MYOF: variants seen among roughly 807,000 people sequenced by gnomAD.
MYOF encodes the protein fer-1-like 3, myoferlin.
In MYOF, 244 loss-of-function variants were observed where a neutral mutation model predicts 284.2. The observed-to-expected ratio is 0.86, with a 90% confidence interval of 0.77 to 0.95. The LOEUF (loss-of-function observed/expected upper bound fraction) is 0.95, where lower values mean the gene tolerates loss of function less well. Ranked by LOEUF, MYOF falls within the 40% of genes least tolerant of loss-of-function variation. The probability of loss-of-function intolerance (pLI) is 0.00; values close to 1 mark genes in which losing one functional copy is unlikely to be tolerated. For synonymous variants in MYOF, 904 were observed against 919.7 expected (o/e 0.98, Z 0.31); for missense variants, 2,496 against 2,560.6 (o/e 0.97, Z 0.54).
At chr10:93,433,323 C>T (rs1469399506) in intron 3 of MYOF, among the ~76,000 whole-genome samples, 1 of 152,098 alleles carries the variant, frequency 6.6e-6, no homozygotes, top group Non-Finnish European at 1.5e-5. Context: ...AAGCCCAGCT[C>T]ATTTTGTATT....
chr10:93,436,874 T>G (rs1277158372), intron 3 of MYOF, among the ~76,000 whole-genome samples: 1 of 152,182 alleles, frequency 6.6e-6, no homozygotes, highest in East Asian at 1.9e-4. Context: ...AATATTATAG[T>G]GTGACAGTGA....
At chr10:93,425,759 T>C (rs1264108875) in intron 5 of MYOF, 3 of 383,090 alleles carry the variant, frequency 7.8e-6, no homozygotes, top group Admixed American at 7.8e-5. Context: ...GGAGACACTG[T>C]ATGGGGTGGA....
intron 4 of MYOF, among the ~76,000 whole-genome samples, chr10:93,429,901 C>T (rs2134211182): frequency 6.6e-6 from 1 of 151,496 alleles, no homozygotes; most frequent in Middle Eastern, 3.4e-3. Context: ...GAATTCTGGT[C>T]TTGCATCAGA....
intron 1 of MYOF, among the ~76,000 whole-genome samples, chr10:93,471,794 C>T (rs945520384): frequency 1.3e-5 from 2 of 151,566 alleles, no homozygotes; most frequent in Non-Finnish European, 2.9e-5. Context: ...GAGGCTGAGG[C>T]AGGAGAATTG....
At chr10:93,481,650 C>T (rs138697616) in intron 1 of MYOF, among the ~76,000 whole-genome samples, 3,027 of 152,292 alleles carry the variant, frequency 0.02, 57 homozygotes, top group Middle Eastern at 0.031. Context: ...CTTCACCCAT[C>T]CCACCTCCCA....
intron 3 of MYOF, among the ~76,000 whole-genome samples, chr10:93,449,649 T>C (rs558084777): frequency 3.9e-4 from 60 of 152,246 alleles, no homozygotes; most frequent in African/African-American, 1.4e-3. Flanking sequence ...TGCTAGAATG[T>C]ATGCAGGTAT....
chr10:93,422,087 A>T (rs1848380112), intron 5 of MYOF, among the ~76,000 whole-genome samples: 2 of 152,212 alleles, frequency 1.3e-5, no homozygotes, highest in African/African-American at 4.8e-5. Flanking sequence ...ATTTTTTGTA[A>T]TAAAGAAATT....
chr10:93,366,436 T>C lies in MYOF; in HGVS notation c.2709A>G (p.Lys903=). ...TCCACTCTCCTTCCCATTCCCAGCCTTTTGGAGGCAGAAAAAATTCCCTCT... is the reference window on the plus strand; with the variant it reads ...TCCACTCTCCTTCCCATTCCCAGCCCTTTGGAGGCAGAAAAAATTCCCTCT... ...KLKREFFLPP[K]GWEWEGEWIV... The change falls in exon 26 of 54, where the codon AAA becomes AAG. Residue 903 remains lysine, a synonymous_variant. Coordinates refer to ENST00000359263, the MANE Select transcript of MYOF (RefSeq NM_013451.4). 6.2e-7 allele frequency: 1 copy of C among 1,614,052 alleles called. No individual in the cohort carries two copies.
At chr10:93,413,387 G>A (rs906027619) in intron 5 of MYOF, among the ~76,000 whole-genome samples, 6 of 152,296 alleles carry the variant, frequency 3.9e-5, no homozygotes, top group Admixed American at 1.3e-4. Context: ...ACAATGGTAC[G>A]GGCTCCACAA....
chr10:93,332,232 T>TA (rs1160188773), intron 43 of MYOF, among the ~76,000 whole-genome samples: 3 of 151,414 alleles, frequency 2.0e-5, no homozygotes, highest in Admixed American at 6.6e-5. Context: ...TTTTATTTTT[T>TA]TTTTTTGGGA....
Position 93,404,231 on chromosome 10 carries a change from A to G in MYOF, c.730-12T>C. The G allele has an allele frequency of 6.2e-7, 1 of 1,613,534 alleles. No individual in the cohort carries two copies. Among genetic ancestry groups the G allele is most frequent in the Non-Finnish European group, 8.5e-7 (1 of 1,179,604 alleles). ...TTGTAGAAAAACAACTGCCAAAACA[A>G]TAGAGCAGATGTTTAAATGTTAACA... On this transcript the variant is annotated splice_polypyrimidine_tract_variant and intron_variant, in intron 7 of 53. Coordinates refer to ENST00000359263, the MANE Select transcript of MYOF (RefSeq NM_013451.4).
intron 39 of MYOF, 29 bp downstream of exon 39, chr10:93,340,124 A>G: frequency 1.2e-6 from 2 of 1,612,580 alleles, no homozygotes; most frequent in Non-Finnish European, 1.7e-6. Flanking sequence ...CATGAATCTT[A>G]AATGTAGCAA....
intron 4 of MYOF, among the ~76,000 whole-genome samples, chr10:93,426,421 T>G (rs1447889592): frequency 6.6e-6 from 1 of 151,924 alleles, no homozygotes; most frequent in African/African-American, 2.4e-5. Flanking sequence ...ATCAACAGAG[T>G]AAAGTTGTGA....
chr10:93,394,175 C>T (rs138826909), intron 16 of MYOF, among the ~76,000 whole-genome samples: 30 of 152,238 alleles, frequency 2.0e-4, no homozygotes, highest in African/African-American at 6.3e-4. Flanking sequence ...AATCTCGGCT[C>T]ACTGCAACCT....
At chr10:93,456,797 G>T in intron 2 of MYOF, 85 bp downstream of exon 2, 2 of 981,400 alleles carry the variant, frequency 2.0e-6, no homozygotes. Context: ...TCCTTCCGAA[G>T]GGAAGAGGTA....
At chr10:93,404,679 G>A (rs558500890) in intron 7 of MYOF, among the ~76,000 whole-genome samples, 99 of 151,186 alleles carry the variant, frequency 6.5e-4, no homozygotes, top group Non-Finnish European at 1.2e-3. Flanking sequence ...AAGATCCAAG[G>A]TGACTTCATG....
At chr10:93,369,576 T>C in intron 25 of MYOF, 69 bp downstream of exon 25, 7 of 1,598,450 alleles carry the variant, frequency 4.4e-6, no homozygotes, top group South Asian at 3.4e-5. Flanking sequence ...ATGTTTTCCA[T>C]AAAGGTGAAA....
rs770160475 is a variant in MYOF at position 93,356,804 on chromosome 10, A to G, written c.3165T>C (p.Ser1055=). ...LQDQEGWEYA[S]LIGWKFHWKQ... The stretch of plus-strand genomic sequence containing the variant: ...TCCAGTGAAATTTCCAGCCAATTAG[A>G]GAAGCATATTCCCAGCCCTCTTGGT... Residue 1055 remains serine (S), a synonymous_variant, in exon 30 of 54, where the codon TCT becomes TCC. Transcript: ENST00000359263. The G allele has an allele frequency of 9.3e-6, 15 of 1,614,046 alleles. No individual in the cohort carries two copies. The highest frequency in any genetic ancestry group is 1.3e-5 in the Non-Finnish European group (15 of 1,180,048).
In MYOF at chr10:93,408,847, G is replaced by A. The variant is rs370805366; in HGVS notation, c.669C>T (p.His223=). The A allele has an allele frequency of 3.4e-5, 55 of 1,614,078 alleles. 1 individual carries two copies. Among genetic ancestry groups the A allele is most frequent in the Middle Eastern group, 1.6e-4 (1 of 6,082 alleles). ...TTGTTCGGTGTGTCTGGCCACAGAC[G>A]TGAACTTTGACCACAGGCCTTATGT... ...GNNIRPVVKV[H]VCGQTHRTRI... is the part of the protein sequence containing the mutation. Residue 223 remains histidine (H), a synonymous_variant, in exon 7 of 54, where the codon CAC becomes CAT. Transcript: ENST00000359263.
Sources: allele counts gnomAD v4.1 joint callset (sites outside exome capture counted in the v4.1 genomes callset), GRCh38; gene constraint gnomAD v4.1.1; transcripts MANE v1.5; gene names NCBI Gene and HGNC (gene_info 2026-07-23, HGNC 2026-07-21).